KCTD8: variants seen among roughly 807,000 people sequenced by gnomAD.
The protein encoded by KCTD8 is potassium channel tetramerization domain containing 8.
Under a neutral mutation model 31.5 loss-of-function variants are expected in KCTD8, and 27 were observed. The observed-to-expected ratio is 0.86, with a 90% CI of 0.63 to 1.18. The LOEUF (loss-of-function observed/expected upper bound fraction) is 1.18. KCTD8 is among the 50% of genes most tolerant of loss of function. The probability of loss-of-function intolerance (pLI) is 0.00; values close to 1 mark genes in which losing one functional copy is unlikely to be tolerated. For missense variants in KCTD8, 658 were observed against 647.7 expected, an observed-to-expected ratio of 1.02 and a Z score of -0.17; for synonymous variants, 290 against 280.0, an observed-to-expected ratio of 1.04 and a Z score of -0.36.
chr4:44,323,500 A>AC (rs1296639386), intron 1 of KCTD8, among the ~76,000 whole-genome samples: 15,489 of 81,852 alleles, frequency 0.19, 1,360 homozygotes, highest in East Asian at 0.36. Flanking sequence ...ATCCCCACCC[A>AC]CCCCCCCCCA....
intron 1 of KCTD8, among the ~76,000 whole-genome samples, chr4:44,304,765 G>A (rs1161534601): frequency 6.6e-6 from 1 of 152,130 alleles, no homozygotes; most frequent in African/African-American, 2.4e-5. Context: ...CAAGGTGACA[G>A]ATAATTCAGG....
intron 1 of KCTD8, among the ~76,000 whole-genome samples, chr4:44,205,880 C>A (rs961711096): frequency 6.6e-6 from 1 of 152,124 alleles, no homozygotes; most frequent in African/African-American, 2.4e-5. Flanking sequence ...CAATTATAGA[C>A]CCCCTTCCAC....
rs903559298 is a variant in KCTD8, at chr4:44,405,817, CAAAAAAAA to C, written c.961+41738_961+41745del. 1.9e-4 allele frequency among the ~76,000 whole-genome samples: 6 copies of C among 32,246 alleles called. 1 individual carries two copies. Among genetic ancestry groups the C allele is most frequent in the East Asian group, 1.6e-3 (1 of 636 alleles). The allele number at this position is 32,246 out of a possible 152,430, so 21.2% of individuals were successfully genotyped here. On this transcript the variant is annotated intron_variant, in intron 1 of 1. Transcript: ENST00000360029. ...GTTTTGAGGGCCTTGTCCTGTTTCT[CAAAAAAAA>C]AAAAAAAAAAAAAAAAAAGCAATAG...
At chr4:44,222,291 GGC>G (rs1430770859) in intron 1 of KCTD8, among the ~76,000 whole-genome samples, 1 of 152,148 alleles carries the variant, frequency 6.6e-6, no homozygotes, top group African/African-American at 2.4e-5. Context: ...CAGCCAGACT[GGC>G]AGTCAGGAAG....
chr4:44,304,620 C>A (rs776977094), intron 1 of KCTD8, among the ~76,000 whole-genome samples: 14 of 152,168 alleles, frequency 9.2e-5, no homozygotes, highest in Non-Finnish European at 1.5e-4. Flanking sequence ...AACTCTTATA[C>A]CTTCCCACTA....
intron 1 of KCTD8, among the ~76,000 whole-genome samples, chr4:44,214,281 G>A (rs555266864): frequency 6.6e-6 from 1 of 152,294 alleles, no homozygotes. Flanking sequence ...GGAGCTAGGA[G>A]GATAGAGGGG....
chr4:44,368,844 T>C (rs1577639863), intron 1 of KCTD8, among the ~76,000 whole-genome samples: 1 of 152,296 alleles, frequency 6.6e-6, no homozygotes, highest in Non-Finnish European at 1.5e-5. Context: ...GTTTCTATAA[T>C]CATTAAGAAA....
intron 1 of KCTD8, among the ~76,000 whole-genome samples, chr4:44,302,404 T>A (rs1717654496): frequency 6.6e-6 from 1 of 152,148 alleles, no homozygotes; most frequent in Non-Finnish European, 1.5e-5. Flanking sequence ...TGAGCAGTGG[T>A]TTGTAGTTCT....
chr4:44,295,257 C>T (rs1167493966), intron 1 of KCTD8, among the ~76,000 whole-genome samples: 1 of 152,150 alleles, frequency 6.6e-6, no homozygotes, highest in African/African-American at 2.4e-5. Flanking sequence ...GACTGTGCCA[C>T]TGCACTCCAG....
intron 1 of KCTD8, among the ~76,000 whole-genome samples, chr4:44,408,778 C>A (rs1720874918): frequency 6.6e-6 from 1 of 151,970 alleles, no homozygotes; most frequent in South Asian, 2.1e-4. Context: ...GCCACCACGC[C>A]CAGCTAATTT....
Position 44,176,860 on chromosome 4 carries a change from C to T in KCTD8, c.962-1610G>A, listed in dbSNP as rs80282037. Among the ~76,000 whole-genome samples, 29 of 148,472 alleles carry T rather than the reference C, an allele frequency of 2.0e-4. No homozygotes were observed. In the South Asian group the frequency reaches 3.7e-3, roughly 19 times the overall value. ...AAGAAACATAAAGTATATATGTCTA[C>T]ATCTATCTATCTATCTATCTATCTA... is the stretch of plus-strand genomic sequence containing the variant. On this transcript the variant is annotated intron_variant, in intron 1 of 1. Coordinates refer to ENST00000360029, the MANE Select transcript of KCTD8 (RefSeq NM_198353.3).
chr4:44,259,074 T>G (rs1391295475), intron 1 of KCTD8, among the ~76,000 whole-genome samples: 1 of 151,950 alleles, frequency 6.6e-6, no homozygotes, highest in Non-Finnish European at 1.5e-5. Flanking sequence ...GTTAGGAAAC[T>G]TGTCTTGGAA....
chr4:44,230,587 C>T (rs1327329250), intron 1 of KCTD8, among the ~76,000 whole-genome samples: 2 of 152,102 alleles, frequency 1.3e-5, no homozygotes, highest in Non-Finnish European at 2.9e-5. Context: ...ACTGGAGATC[C>T]ATTACATGTT....
intron 1 of KCTD8, among the ~76,000 whole-genome samples, chr4:44,324,356 G>T (rs1395978720): frequency 6.6e-6 from 1 of 151,864 alleles, no homozygotes; most frequent in South Asian, 2.1e-4. Flanking sequence ...TTTTTGATGG[G>T]TACATTCTTT....
At chr4:44,181,788 A>G (rs867694039) in intron 1 of KCTD8, among the ~76,000 whole-genome samples, 6 of 145,116 alleles carry the variant, frequency 4.1e-5, no homozygotes, top group Non-Finnish European at 9.0e-5. Flanking sequence ...CCGCCATCCC[A>G]TCTAGGAAGT....
At chr4:44,426,396 G>C (rs1271903068) in intron 1 of KCTD8, among the ~76,000 whole-genome samples, 1 of 151,704 alleles carries the variant, frequency 6.6e-6, no homozygotes, top group African/African-American at 2.4e-5. Context: ...AATCCAAAAT[G>C]AGTGAACAAA....
chr4:44,426,906 G>T (rs981781582), intron 1 of KCTD8, among the ~76,000 whole-genome samples: 2 of 151,552 alleles, frequency 1.3e-5, no homozygotes, highest in African/African-American at 2.4e-5. Context: ...GAATATATGT[G>T]CAAATTCCAA....
chr4:44,332,483 A>G (rs1257517486), intron 1 of KCTD8, among the ~76,000 whole-genome samples: 7 of 151,962 alleles, frequency 4.6e-5, no homozygotes, highest in African/African-American at 1.4e-4. Flanking sequence ...AATATTATTC[A>G]CCATTTTTAT....
chr4:44,426,429 T>C (rs1373519419), intron 1 of KCTD8, among the ~76,000 whole-genome samples: 1 of 151,168 alleles, frequency 6.6e-6, no homozygotes, highest in African/African-American at 2.4e-5. Flanking sequence ...AATGACATTA[T>C]AAGAACAAGA....
Sources: allele counts gnomAD v4.1 joint callset (sites outside exome capture counted in the v4.1 genomes callset), GRCh38; gene constraint gnomAD v4.1.1; transcripts MANE v1.5; gene names NCBI Gene and HGNC (gene_info 2026-07-23, HGNC 2026-07-21).